Variants in NTNG1 observed in about 807,000 individuals in gnomAD.
NTNG1 encodes netrin G1.
A neutral mutation model predicts 54.0 loss-of-function variants in NTNG1; 16 were observed. The observed-to-expected ratio is 0.30, with a 90% CI of 0.20 to 0.45. NTNG1 has a LOEUF of 0.45. Among genes scored for constraint, NTNG1 ranks in the 20% least tolerant of loss-of-function variants. The pLI is 1.00. For missense variants in NTNG1, 530 were observed against 678.7 expected, an observed-to-expected ratio of 0.78 and a Z score of 2.43; for synonymous variants, 255 against 263.1, an observed-to-expected ratio of 0.97 and a Z score of 0.30.
chr1:107,305,051 G>A (rs1192665403), intron 2 of NTNG1, among the ~76,000 whole-genome samples: 1 of 152,108 alleles, frequency 6.6e-6, no homozygotes, highest in African/African-American at 2.4e-5. Context: ...CCATGTCCCT[G>A]CAAAAGACAT....
intron 2 of NTNG1, among the ~76,000 whole-genome samples, chr1:107,238,529 C>T (rs976429857): frequency 8.6e-5 from 13 of 152,040 alleles, no homozygotes; most frequent in African/African-American, 2.9e-4. Flanking sequence ...GGCTGTGTCC[C>T]CACCCAAATC....
intron 2 of NTNG1, among the ~76,000 whole-genome samples, chr1:107,163,294 T>C (rs1029773277): frequency 6.6e-6 from 1 of 152,172 alleles, no homozygotes; most frequent in African/African-American, 2.4e-5. Flanking sequence ...GTCTGAAGGT[T>C]CAAGATGTAC....
chr1:107,305,497 G>C (rs1199356343), intron 2 of NTNG1, among the ~76,000 whole-genome samples: 1 of 152,044 alleles, frequency 6.6e-6, no homozygotes, highest in South Asian at 2.1e-4. Context: ...GTGATGATTA[G>C]CTTTTTTTTC....
At chr1:107,441,012 T>A (rs1191687014) in intron 7 of NTNG1, among the ~76,000 whole-genome samples, 2 of 151,140 alleles carry the variant, frequency 1.3e-5, no homozygotes, top group Admixed American at 6.6e-5. Flanking sequence ...GGTTACCCAA[T>A]AGAAAAATGA....
At chr1:107,224,972 G>A (rs1406309771) in intron 2 of NTNG1, among the ~76,000 whole-genome samples, 1 of 152,148 alleles carries the variant, frequency 6.6e-6, no homozygotes, top group East Asian at 1.9e-4. Flanking sequence ...ATAGTGAGTA[G>A]TGAATAAGAT....
chr1:107,352,034 G>A (rs574352554), intron 3 of NTNG1, among the ~76,000 whole-genome samples: 1 of 152,370 alleles, frequency 6.6e-6, no homozygotes, highest in East Asian at 1.9e-4. Context: ...GGTGCAAGGG[G>A]TGGGCTCCCA....
intron 2 of NTNG1, among the ~76,000 whole-genome samples, chr1:107,261,865 A>G (rs1487041627): frequency 6.6e-6 from 1 of 152,176 alleles, no homozygotes; most frequent in Non-Finnish European, 1.5e-5. Flanking sequence ...AAAACAAAAA[A>G]AACGATAACA....
At chr1:107,306,948 C>T (rs1452348305) in intron 2 of NTNG1, among the ~76,000 whole-genome samples, 1 of 152,180 alleles carries the variant, frequency 6.6e-6, no homozygotes, top group Non-Finnish European at 1.5e-5. Context: ...CTTGATTCAG[C>T]TCATAAAGTC....
intron 2 of NTNG1, among the ~76,000 whole-genome samples, chr1:107,159,463 T>C (rs1215853644): frequency 6.6e-6 from 1 of 152,184 alleles, no homozygotes; most frequent in Admixed American, 6.6e-5. Context: ...CATGGTGTCA[T>C]GCACTGTACT....
At chr1:107,455,021 A>T (rs1347953998) in intron 7 of NTNG1, among the ~76,000 whole-genome samples, 1 of 152,074 alleles carries the variant, frequency 6.6e-6, no homozygotes, top group African/African-American at 2.4e-5. Flanking sequence ...AGAGGCAAGA[A>T]TGAGGAAGAC....
intron 2 of NTNG1, among the ~76,000 whole-genome samples, chr1:107,164,563 A>ATTT (rs537284674): frequency 6.1e-4 from 93 of 152,342 alleles, no homozygotes; most frequent in Middle Eastern, 3.4e-3. Context: ...AAATACTTAA[A>ATTT]TAAGTACACC....
chr1:107,269,049 A>G (rs1663952893), intron 2 of NTNG1, among the ~76,000 whole-genome samples: 1 of 152,212 alleles, frequency 6.6e-6, no homozygotes, highest in African/African-American at 2.4e-5. Flanking sequence ...AAGGCATGCC[A>G]TGTCACTCCT....
intron 2 of NTNG1, among the ~76,000 whole-genome samples, chr1:107,215,484 G>A (rs1659890714): frequency 6.6e-6 from 1 of 152,112 alleles, no homozygotes; most frequent in Admixed American, 6.5e-5. Context: ...CTGTTACATT[G>A]GTCTATGTGC....
At chr1:107,455,766 T>G (rs888604660) in intron 7 of NTNG1, 21 of 323,350 alleles carry the variant, frequency 6.5e-5, no homozygotes, top group Admixed American at 5.3e-4. Flanking sequence ...CAGTGCTACA[T>G]GGTCAGGCTG....
chr1:107,459,611 T>C (rs1321615492), intron 7 of NTNG1, among the ~76,000 whole-genome samples: 2 of 152,234 alleles, frequency 1.3e-5, no homozygotes, highest in South Asian at 2.1e-4. Context: ...GCAGTCAAGA[T>C]TAATGATTCT....
chr1:107,437,786 TG>T (rs1342734658), intron 7 of NTNG1, among the ~76,000 whole-genome samples: 6 of 152,318 alleles, frequency 3.9e-5, no homozygotes, highest in African/African-American at 1.2e-4. Context: ...ATATTTTTCG[TG>T]TTTTTTTATT....
At chr1:107,193,296 A>G (rs1428477776) in intron 2 of NTNG1, among the ~76,000 whole-genome samples, 2 of 151,996 alleles carry the variant, frequency 1.3e-5, no homozygotes, top group African/African-American at 4.8e-5. Flanking sequence ...AGTTCTGCCT[A>G]CTTGCTGCTG....
intron 2 of NTNG1, among the ~76,000 whole-genome samples, chr1:107,204,644 C>T (rs1377230662): frequency 1.3e-5 from 2 of 152,086 alleles, no homozygotes; most frequent in Non-Finnish European, 2.9e-5. Context: ...TCAGCTGAAA[C>T]CTGTTGAAAT....
chr1:107,308,681 C>G (rs1455564866), intron 2 of NTNG1, among the ~76,000 whole-genome samples: 3 of 152,114 alleles, frequency 2.0e-5, no homozygotes, highest in Non-Finnish European at 4.4e-5. Context: ...TTTTCTAATT[C>G]TGTGAAATAA....
Sources: allele counts gnomAD v4.1 joint callset (sites outside exome capture counted in the v4.1 genomes callset), GRCh38; gene constraint gnomAD v4.1.1; transcripts MANE v1.5; gene names NCBI Gene and HGNC (gene_info 2026-07-23, HGNC 2026-07-21).